Variants in PTPN1 observed in about 807,000 individuals in gnomAD.
PTPN1 encodes tyrosine-protein phosphatase non-receptor type 1.
A neutral mutation model predicts 59.9 loss-of-function variants in PTPN1; 12 were observed. The observed-to-expected ratio is 0.20, with a 90% CI of 0.13 to 0.32. PTPN1 has a LOEUF of 0.32. PTPN1 is among the 10% of genes least tolerant of loss of function. The pLI is 1.00. For missense variants in PTPN1, 356 were observed against 549.2 expected, an observed-to-expected ratio of 0.65 and a Z score of 3.52; for synonymous variants, 178 against 203.6, an observed-to-expected ratio of 0.87 and a Z score of 1.07.
chr20:50,515,122 A>G lies in PTPN1; in HGVS notation c.63+4532A>G, dbSNP rs1311206526. ...AGATCTGAGTCTCTCACTCCTCTGCAACTACTTCTGATTCTTTCATAACAC... is the reference window on the plus strand; with the variant it reads ...AGATCTGAGTCTCTCACTCCTCTGCGACTACTTCTGATTCTTTCATAACAC... On this transcript the variant is annotated intron_variant, in intron 1 of 9. Coordinates refer to ENST00000371621, the MANE Select transcript of PTPN1 (RefSeq NM_002827.4). 2.0e-5 allele frequency among the ~76,000 whole-genome samples: 3 copies of G among 152,212 alleles called. No individual in the cohort carries two copies. In the East Asian group the frequency reaches 5.8e-4, roughly 29 times the overall value.
chr20:50,530,850 T>C (rs1431522815), intron 1 of PTPN1, among the ~76,000 whole-genome samples: 1 of 152,088 alleles, frequency 6.6e-6, no homozygotes, highest in Non-Finnish European at 1.5e-5. Flanking sequence ...TGTACCACTG[T>C]GCCCAGCTAA....
At chr20:50,532,058 A>T (rs1385491739) in intron 1 of PTPN1, among the ~76,000 whole-genome samples, 1 of 152,150 alleles carries the variant, frequency 6.6e-6, no homozygotes, top group Non-Finnish European at 1.5e-5. Context: ...CTGTAGTTGT[A>T]CTTTCTACCT....
At chr20:50,565,225 G>A (rs913003220) in intron 3 of PTPN1, among the ~76,000 whole-genome samples, 156 bp downstream of exon 3, 3 of 152,162 alleles carry the variant, frequency 2.0e-5, no homozygotes, top group Admixed American at 6.5e-5. Flanking sequence ...ATCCTTCAAA[G>A]GTTCAGTTTG....
At chr20:50,520,124 C>A (rs1485576287) in intron 1 of PTPN1, among the ~76,000 whole-genome samples, 2 of 152,160 alleles carry the variant, frequency 1.3e-5, no homozygotes, top group African/African-American at 4.8e-5. Context: ...GTAATCCCAG[C>A]ACTTTGGGAG....
intron 1 of PTPN1, among the ~76,000 whole-genome samples, chr20:50,536,725 T>G (rs2082625480): frequency 6.6e-6 from 1 of 152,344 alleles, no homozygotes; most frequent in South Asian, 2.1e-4. Context: ...TTTAATAACT[T>G]AGAATCCTGT....
At chr20:50,525,457 C>T (rs546502530) in intron 1 of PTPN1, among the ~76,000 whole-genome samples, 2 of 152,334 alleles carry the variant, frequency 1.3e-5, no homozygotes, top group East Asian at 3.9e-4. Context: ...TTAAATTCTT[C>T]GCTTGCCATA....
intron 1 of PTPN1, among the ~76,000 whole-genome samples, chr20:50,520,940 CAGG>C (rs1254702967): frequency 6.6e-6 from 1 of 152,140 alleles, no homozygotes; most frequent in African/African-American, 2.4e-5. Flanking sequence ...GACATGGTCA[CAGG>C]AGAAGACCAG....
In PTPN1 at chr20:50,584,824, G is replaced by A. The variant is rs148213881; in HGVS notation, c.*2109G>A. The stretch of plus-strand genomic sequence containing the variant: ...AGCTAAACCAGGATGAGTAACTCCT[G>A]TTTCTTTCTATCCCTGCTGATGTGA... On this transcript the variant is annotated 3_prime_UTR_variant, in exon 10 of 10. Transcript: ENST00000371621. The A allele has an allele frequency of 4.5e-4, 69 of 152,266 alleles. No homozygotes were observed. Among genetic ancestry groups the A allele is most frequent in the African/African-American group, 1.6e-3 (65 of 41,550 alleles). The allele number at this position is 152,266 out of a possible 1,614,324, so 9.4% of individuals were successfully genotyped here.
chr20:50,545,233 G>A (rs866028113), intron 1 of PTPN1, among the ~76,000 whole-genome samples: 4 of 152,116 alleles, frequency 2.6e-5, no homozygotes, highest in African/African-American at 9.7e-5. Context: ...TGGGATTACA[G>A]GCATCAGCCA....
chr20:50,548,747 G>A (rs532434956), intron 1 of PTPN1, among the ~76,000 whole-genome samples: 6 of 152,120 alleles, frequency 3.9e-5, no homozygotes, highest in South Asian at 4.1e-4. Flanking sequence ...AGGGAGTCTC[G>A]CTCTGTCGTG....
At chr20:50,559,710 AT>A (rs1469753981) in intron 1 of PTPN1, among the ~76,000 whole-genome samples, 1 of 151,266 alleles carries the variant, frequency 6.6e-6, no homozygotes, top group African/African-American at 2.4e-5. Context: ...TGAGCTTGTC[AT>A]TTTTGCTATC....
intron 1 of PTPN1, among the ~76,000 whole-genome samples, chr20:50,518,321 A>G (rs1277650505): frequency 1.3e-5 from 2 of 152,264 alleles, no homozygotes. Flanking sequence ...AAAAATGTCT[A>G]AGGATGAAGT....
intron 1 of PTPN1, among the ~76,000 whole-genome samples, chr20:50,547,908 G>A (rs925333895): frequency 1.3e-5 from 2 of 152,160 alleles, no homozygotes; most frequent in South Asian, 2.1e-4. Context: ...CCTTTTTATT[G>A]TATTTTTAAG....
chr20:50,580,669 G>T (rs1246667143), intron 8 of PTPN1, among the ~76,000 whole-genome samples: 2 of 152,142 alleles, frequency 1.3e-5, no homozygotes, highest in African/African-American at 4.8e-5. Context: ...TTTAAGACGT[G>T]TGCATACTTG....
rs543337983 is a variant in PTPN1 at position 50,537,248 on chromosome 20, C to T, written c.64-24115C>T. On this transcript the variant is annotated intron_variant, in intron 1 of 9. Transcript: ENST00000371621. ...TGAGGCAGGAGAATCGTTTGAACTCCGGAGGCAGAGGTTGCAGTGAGCCGA... is the reference window on the plus strand; with the variant it reads ...TGAGGCAGGAGAATCGTTTGAACTCTGGAGGCAGAGGTTGCAGTGAGCCGA... 1.1e-4 allele frequency among the ~76,000 whole-genome samples: 16 copies of T among 152,158 alleles called. No homozygotes were observed. The East Asian group carries it at 1.7e-3, about 17-fold the overall frequency.
At chr20:50,546,969 A>T (rs934232675) in intron 1 of PTPN1, among the ~76,000 whole-genome samples, 1 of 152,202 alleles carries the variant, frequency 6.6e-6, no homozygotes, top group African/African-American at 2.4e-5. Context: ...AGGTAAACAA[A>T]ACAGAAGTGA....
In PTPN1 at chr20:50,583,724, T is replaced by C. The variant is rs1367731037; in HGVS notation, c.*1009T>C. The C allele has an allele frequency of 6.6e-6, 1 of 152,666 alleles. No individual in the cohort carries two copies. The highest frequency in any genetic ancestry group is 1.5e-5 in the Non-Finnish European group (1 of 68,052). 9.5% of individuals were successfully genotyped at this position (152,666 alleles called of 1,614,324 possible). A position where few individuals can be genotyped will look rare whatever the true frequency, so the allele number is the denominator to read the frequency against. On this transcript the variant is annotated 3_prime_UTR_variant, in exon 10 of 10. Transcript: ENST00000371621. ...TTGCCTAATTCCTGGCATGACACTC[T>C]AGTGACTTCCTGGTGAGGCCCAGCC...
chr20:50,535,026 G>A (rs931325110), intron 1 of PTPN1, among the ~76,000 whole-genome samples: 1 of 151,314 alleles, frequency 6.6e-6, no homozygotes, highest in African/African-American at 2.4e-5. Flanking sequence ...GGAATTACAG[G>A]CCCAATTTTA....
At chr20:50,545,834 A>G (rs796262195) in intron 1 of PTPN1, among the ~76,000 whole-genome samples, 21 of 151,986 alleles carry the variant, frequency 1.4e-4, no homozygotes, top group Middle Eastern at 3.4e-3. Flanking sequence ...CAGGCAGCAT[A>G]GCGAGACCCC....
Sources: gnomAD v4.1 joint callset for allele counts (sites outside exome capture counted in the v4.1 genomes callset) on GRCh38, gnomAD v4.1.1 for gene constraint, MANE v1.5 for transcripts, NCBI Gene and HGNC (gene_info 2026-07-23, HGNC 2026-07-21) for gene names.